Variants in SHPK observed in about 807,000 individuals in gnomAD.
The protein encoded by SHPK is carbohydrate kinase-like protein.
A neutral mutation model predicts 46.3 loss-of-function variants in SHPK; 51 were observed. The ratio of observed to expected loss-of-function variants is 1.10; its 90% CI spans 0.88 to 1.39. The LOEUF is 1.39. Among genes scored for constraint, SHPK ranks in the 40% most tolerant of loss-of-function variants. The pLI, the probability that SHPK is intolerant of heterozygous loss-of-function variation, is 0.00. For synonymous variants in SHPK, 290 were observed against 273.9 expected (o/e 1.06, Z -0.58); for missense variants, 668 against 641.3 (o/e 1.04, Z -0.45).
chr17:3,622,705 T>TA, intron 4 of SHPK: 69 of 386,184 alleles, frequency 1.8e-4, no homozygotes, highest in South Asian at 2.5e-4. Context: ...AGTTCTTTTT[T>TA]CTTTTTTTTT....
intron 5 of SHPK, chr17:3,619,212 G>T: frequency 1.9e-6 from 1 of 533,096 alleles, no homozygotes; most frequent in South Asian, 2.0e-5. Context: ...CTACGTTGCA[G>T]CTAAGATGTG....
In SHPK at chr17:3,636,064, C is replaced by A; in HGVS notation, c.156G>T (p.Val52=). 1.3e-6 allele frequency: 2 copies of A among 1,570,004 alleles called. No individual in the cohort carries two copies. The highest frequency in any genetic ancestry group is 1.7e-6 in the Non-Finnish European group (2 of 1,160,190). The part of the protein sequence containing the change: ...ARAEAAVESA[V]AGPQGREQDV... Reference sequence around the variant, plus strand: ...GGGTCCAACTCACCTGGGGCCCGGCCACCGCGCTCTCGACCGCCGCCTCTG... The same window carrying A: ...GGGTCCAACTCACCTGGGGCCCGGCAACCGCGCTCTCGACCGCCGCCTCTG... The change falls in exon 1 of 7, where the codon GTG becomes GTT. Residue 52 remains valine (V), a synonymous_variant. Transcript: ENST00000225519.
intron 6 of SHPK, among the ~76,000 whole-genome samples, chr17:3,612,130 CG>C (rs1422487038): frequency 4.1e-5 from 5 of 121,344 alleles, no homozygotes; most frequent in South Asian, 5.7e-4. Flanking sequence ...AACAAACAAA[CG>C]AAAAAAAAAA....
chr17:3,619,708 G>A, intron 5 of SHPK: 1 of 332,536 alleles, frequency 3.0e-6, no homozygotes, highest in Non-Finnish European at 5.7e-6. Flanking sequence ...ACTCCAGCCT[G>A]GGCGACAGAG....
At position 3,636,060 on chromosome 17, in the gene SHPK, CG is replaced by C; in HGVS notation, c.159del (p.Gln56ArgfsTer7). 1 of 1,562,746 alleles carries C rather than the reference CG, an allele frequency of 6.4e-7. No individual in the cohort carries two copies. On this transcript the variant is annotated frameshift_variant, in exon 1 of 7. Coordinates refer to ENST00000225519, the MANE Select transcript of SHPK (RefSeq NM_013276.4). LOFTEE classifies it high-confidence loss of function. ...RAEAAVESAV[A>X]GPQGREQDVS... ...CCGGGGGTCCAACTCACCTGGGGCC[CG>C]GCCACCGCGCTCTCGACCGCCGCCT...
At chr17:3,615,270 A>G (rs1489410763) in intron 6 of SHPK, 67 bp downstream of exon 6, 5 of 1,514,282 alleles carry the variant, frequency 3.3e-6, no homozygotes, top group African/African-American at 2.7e-5. Flanking sequence ...AGCTCCGTGA[A>G]GCTCCGAGAC....
chr17:3,621,515 C>T (rs373489660), intron 4 of SHPK, 103 bp from the exon 5 acceptor site: 1 of 1,085,056 alleles, frequency 9.2e-7, no homozygotes. Context: ...TTCCTCCCTC[C>T]CTTCTTCCTT....
intron 6 of SHPK, 93 bp downstream of exon 6, chr17:3,615,244 C>A (rs2075365117): frequency 1.5e-6 from 2 of 1,291,804 alleles, no homozygotes; most frequent in Admixed American, 3.6e-5. Context: ...AATGTGGACG[C>A]TGAAACCGCA....
At position 3,621,410 on chromosome 17, in the gene SHPK, A is replaced by G. The variant is rs2075400550; in HGVS notation, c.650T>C (p.Leu217Pro). ...GTGGACAGGAAAACCCGAGCTCCTCAGTCTGTAAAACAGAAGTGGACACCC... is the reference window on the plus strand; with the variant it reads ...GTGGACAGGAAAACCCGAGCTCCTCGGTCTGTAAAACAGAAGTGGACACCC... The part of the protein sequence containing the change: ...TQSQSWNVET[L>P]RSSGFPVHLL... The change falls in exon 5 of 7, where the codon CTG (leucine) becomes CCG (proline). Residue 217 changes from leucine (L) to proline (P), a missense_variant and splice_region_variant. Transcript: ENST00000225519. 6.2e-7 allele frequency: 1 copy of G among 1,613,554 alleles called. No individual in the cohort carries two copies. Among genetic ancestry groups the G allele is most frequent in the Non-Finnish European group, 8.5e-7 (1 of 1,179,674 alleles).
intron 5 of SHPK, among the ~76,000 whole-genome samples, chr17:3,618,167 C>T (rs989173434): frequency 5.5e-4 from 84 of 152,154 alleles, no homozygotes; most frequent in African/African-American, 1.8e-3. Context: ...AGTGCACTGG[C>T]GCGATCTCAG....
At chr17:3,630,429 A>T in intron 1 of SHPK, 83 bp from the exon 2 acceptor site, 1 of 1,385,394 alleles carries the variant, frequency 7.2e-7, no homozygotes, top group Middle Eastern at 2.4e-4. Context: ...GTCCTGGAGG[A>T]GGAATGCAGT....
At chr17:3,623,531 G>T (rs1309027975) in intron 3 of SHPK, 40 bp from the exon 4 acceptor site, 1 of 1,606,596 alleles carries the variant, frequency 6.2e-7, no homozygotes, top group Admixed American at 1.7e-5. Flanking sequence ...GGTATAACAT[G>T]AACTCGGAAG....
intron 6 of SHPK, among the ~76,000 whole-genome samples, chr17:3,614,217 T>C (rs912792231): frequency 2.6e-5 from 4 of 152,294 alleles, no homozygotes; most frequent in African/African-American, 7.2e-5. Context: ...CCCCGCACCG[T>C]GCTTCTTTAA....
At chr17:3,621,493 T>TCCTTCTCTCCATTCCTCCCTC (rs1180290514) in intron 4 of SHPK, 81 bp from the exon 5 acceptor site, 2 of 1,315,196 alleles carry the variant, frequency 1.5e-6, no homozygotes, top group South Asian at 1.3e-5. Context: ...CTTCCTCCCT[T>TCCTTCTCTCCATTCCTCCCTC]CCTTCTCTCC....
chr17:3,612,927 T>C (rs2075348973), intron 6 of SHPK, among the ~76,000 whole-genome samples: 1 of 152,086 alleles, frequency 6.6e-6, no homozygotes. Flanking sequence ...AATTTTTGTA[T>C]TTTTAGTAGA....
At chr17:3,617,115 G>A (rs1254165034) in intron 5 of SHPK, among the ~76,000 whole-genome samples, 1 of 151,890 alleles carries the variant, frequency 6.6e-6, no homozygotes, top group African/African-American at 2.4e-5. Flanking sequence ...CAAGTGATCT[G>A]CCCACCTCAG....
chr17:3,633,754 C>T (rs1205397588), intron 1 of SHPK, among the ~76,000 whole-genome samples: 1 of 152,100 alleles, frequency 6.6e-6, no homozygotes, highest in Admixed American at 6.5e-5. Flanking sequence ...GCCACCACCC[C>T]GTCTGGGTAG....
At chr17:3,615,772 C>T (rs755136149) in intron 5 of SHPK, among the ~76,000 whole-genome samples, 1 of 150,518 alleles carries the variant, frequency 6.6e-6, no homozygotes, top group Non-Finnish European at 1.5e-5. Flanking sequence ...CAATTTGGCA[C>T]TGAGAGAGGG....
chr17:3,615,449 G>C lies in SHPK; in HGVS notation c.912C>G (p.Val304=), dbSNP rs1479478726. ...PAQTPDPTAP[V]AYFPYFNRTY... ...TCCTGTTGAAGTATGGGAAGTAGGCGACTGGGGCCGTAGGGTCTGGAGTCT... is the reference window on the plus strand; with the variant it reads ...TCCTGTTGAAGTATGGGAAGTAGGCCACTGGGGCCGTAGGGTCTGGAGTCT... Residue 304 remains valine, a synonymous_variant, in exon 6 of 7, where the codon GTC becomes GTG. Coordinates refer to ENST00000225519, the MANE Select transcript of SHPK (RefSeq NM_013276.4). 4 of 1,614,170 alleles carry C rather than the reference G, an allele frequency of 2.5e-6. No individual in the cohort carries two copies. The highest frequency in any genetic ancestry group is 3.4e-6 in the Non-Finnish European group (4 of 1,180,014).
Sources: gnomAD v4.1 joint callset for allele counts (sites outside exome capture counted in the v4.1 genomes callset) on GRCh38, gnomAD v4.1.1 for gene constraint, MANE v1.5 for transcripts, NCBI Gene and HGNC (gene_info 2026-07-23, HGNC 2026-07-21) for gene names.